Variants in AHI1 observed in about 807,000 individuals in gnomAD.
AHI1 encodes the protein Abelson helper integration site 1, also known as jouberin.
Under a neutral mutation model 149.3 loss-of-function variants are expected in AHI1, and 123 were observed. The ratio of observed to expected loss-of-function variants is 0.82; its 90% CI spans 0.71 to 0.96. The LOEUF is 0.96. AHI1 is among the 40% of genes least tolerant of loss of function. The probability of loss-of-function intolerance (pLI) is 0.00; values close to 1 mark genes in which losing one functional copy is unlikely to be tolerated. For synonymous variants in AHI1, 475 were observed against 459.8 expected (o/e 1.03, Z -0.42); for missense variants, 1,439 against 1,422.7 (o/e 1.01, Z -0.18).
chr6:135,455,702 G>T, intron 10 of AHI1, 32 bp downstream of exon 10: 2 of 1,398,076 alleles, frequency 1.4e-6, no homozygotes, highest in Non-Finnish European at 1.9e-6. Context: ...ATTAACTATC[G>T]TTTAATTTGA....
chr6:135,334,484 G>C (rs1562521430), intron 24 of AHI1, among the ~76,000 whole-genome samples: 1 of 152,172 alleles, frequency 6.6e-6, no homozygotes, highest in Non-Finnish European at 1.5e-5. Context: ...TCATTTATAA[G>C]TCACTCGGTC....
At chr6:135,460,851 T>C (rs964884114) in intron 8 of AHI1, among the ~76,000 whole-genome samples, 4 of 152,198 alleles carry the variant, frequency 2.6e-5, no homozygotes, top group Non-Finnish European at 5.9e-5. Flanking sequence ...TAAATGGTAC[T>C]GGGTCAATCA....
chr6:135,490,027 G>T, intron 5 of AHI1: 1 of 592,812 alleles, frequency 1.7e-6, no homozygotes, highest in South Asian at 2.2e-5. Context: ...AGAGGGCATA[G>T]AGCATTAACT....
Position 135,398,131 on chromosome 6 carries a change from G to A in AHI1, c.2989-3235C>T, listed in dbSNP as rs149430068. ...TTAAAATATCAGTATTAAAGAAAAA[G>A]TTAAACAGAAAACTTGAGCCAAAGT... On this transcript the variant is annotated intron_variant, in intron 22 of 28. Coordinates refer to ENST00000265602, the MANE Select transcript of AHI1 (RefSeq NM_001134831.2). 3.9e-3 allele frequency among the ~76,000 whole-genome samples: 463 copies of A among 120,194 alleles called. 1 individual carries two copies. The highest frequency in any genetic ancestry group is 0.013 in the Middle Eastern group (2 of 156). 78.9% of individuals were successfully genotyped at this position (120,194 alleles called of 152,430 possible).
intron 9 of AHI1, among the ~76,000 whole-genome samples, 196 bp from the exon 10 acceptor site, chr6:135,456,122 TCTA>T (rs1488610765): frequency 6.6e-6 from 1 of 152,248 alleles, no homozygotes; most frequent in Non-Finnish European, 1.5e-5. Flanking sequence ...CTTATATTTG[TCTA>T]CTATCAATTG....
chr6:135,486,912 C>T lies in AHI1; in HGVS notation c.135+3711G>A, dbSNP rs186831717. ...CCTCCCAAGTAGCTAGGACTACAGG[C>T]GCATGCCACCATGCCCAGGTAAGTT... On this transcript the variant is annotated intron_variant, in intron 5 of 28. Coordinates refer to ENST00000265602, the MANE Select transcript of AHI1 (RefSeq NM_001134831.2). 5.4e-3 allele frequency among the ~76,000 whole-genome samples: 825 copies of T among 152,138 alleles called. 6 individuals are homozygous for T. The highest frequency in any genetic ancestry group is 1.0e-2 in the Non-Finnish European group (679 of 67,972).
rs117207464 is a variant in AHI1, at chr6:135,422,314, G to A, written c.2764+4853C>T. Among the ~76,000 whole-genome samples, 330 of 152,158 alleles carry A rather than the reference G, an allele frequency of 2.2e-3. 14 individuals carry two copies. In the East Asian group the frequency reaches 0.054, roughly 25 times the overall value. ...GGCAGATCACTTGAGACCAGGCCTA[G>A]GATTGTCTCAAACATGGCAAAACCC... On this transcript the variant is annotated intron_variant, in intron 20 of 28. Transcript: ENST00000265602.
At chr6:135,370,893 C>T (rs2128455965) in intron 23 of AHI1, among the ~76,000 whole-genome samples, 1 of 152,138 alleles carries the variant, frequency 6.6e-6, no homozygotes, top group Admixed American at 6.5e-5. Context: ...TTTACCAACA[C>T]TTAAAATCTG....
At chr6:135,298,005 T>C (rs529039469) in intron 27 of AHI1, among the ~76,000 whole-genome samples, 11 of 152,200 alleles carry the variant, frequency 7.2e-5, no homozygotes, top group Middle Eastern at 3.4e-3. Context: ...ACAAAGCTGT[T>C]AATGAAATAA....
chr6:135,451,381 T>C (rs1052659148), intron 11 of AHI1, among the ~76,000 whole-genome samples: 1 of 152,166 alleles, frequency 6.6e-6, no homozygotes, highest in Non-Finnish European at 1.5e-5. Flanking sequence ...CACCAAACAC[T>C]TTCTATGTGA....
chr6:135,362,103 GGT>G (rs749692605), intron 23 of AHI1, among the ~76,000 whole-genome samples: 2 of 151,512 alleles, frequency 1.3e-5, no homozygotes, highest in Non-Finnish European at 1.5e-5. Flanking sequence ...AGTATTCCAT[GGT>G]GTGTGTGTGT....
chr6:135,336,819 A>C (rs1022349895), intron 24 of AHI1, among the ~76,000 whole-genome samples: 1 of 152,232 alleles, frequency 6.6e-6, no homozygotes, highest in African/African-American at 2.4e-5. Flanking sequence ...ATTTAGGAAT[A>C]TAGGTATCTA....
chr6:135,448,190 A>G lies in AHI1; in HGVS notation c.1626+100T>C, dbSNP rs981173018. ...ATAACCCCAGAAATCTATTAAAATT[A>G]TTATTAGAGGCCTTATCTTTTTAGA... On this transcript the variant is annotated intron_variant, in intron 12 of 28. Coordinates refer to ENST00000265602, the MANE Select transcript of AHI1 (RefSeq NM_001134831.2). 2.5e-5 allele frequency: 19 copies of G among 753,438 alleles called. No homozygotes were observed. In the African/African-American group the frequency reaches 3.4e-4, roughly 14 times the overall value. The allele number at this position is 753,438 out of a possible 1,614,324, so 46.7% of individuals were successfully genotyped here. A position where few individuals can be genotyped will look rare whatever the true frequency, so the allele number is the denominator to read the frequency against.
At chr6:135,390,661 T>C (rs1312483311) in intron 23 of AHI1, among the ~76,000 whole-genome samples, 2 of 152,060 alleles carry the variant, frequency 1.3e-5, no homozygotes, top group Non-Finnish European at 2.9e-5. Context: ...CCACTAGCTA[T>C]GTGAATTCTA....
At chr6:135,363,890 G>T (rs1330240217) in intron 23 of AHI1, among the ~76,000 whole-genome samples, 6 of 149,140 alleles carry the variant, frequency 4.0e-5, no homozygotes, top group Non-Finnish European at 6.0e-5. Flanking sequence ...GCCGGACGGG[G>T]GGCTGACCCC....
At chr6:135,300,958 G>C in intron 26 of AHI1, 1 of 985,970 alleles carries the variant, frequency 1.0e-6, no homozygotes, top group Non-Finnish European at 1.2e-6. Flanking sequence ...TATTTTCATA[G>C]TAATACACAT....
intron 23 of AHI1, among the ~76,000 whole-genome samples, chr6:135,364,140 T>C (rs1376052837): frequency 6.7e-6 from 1 of 150,228 alleles, no homozygotes; most frequent in African/African-American, 2.5e-5. Flanking sequence ...CCAGACAGGG[T>C]GGCTGCTGGG....
At chr6:135,293,332 G>A (rs1396827370) in intron 27 of AHI1, among the ~76,000 whole-genome samples, 6 of 129,184 alleles carry the variant, frequency 4.6e-5, no homozygotes, top group Non-Finnish European at 9.4e-5. Context: ...AGACAAGAAT[G>A]TCTATTCTGA....
chr6:135,389,568 C>T (rs530485631), intron 23 of AHI1, among the ~76,000 whole-genome samples: 3 of 152,232 alleles, frequency 2.0e-5, no homozygotes, highest in Non-Finnish European at 4.4e-5. Flanking sequence ...AGAAGCTATT[C>T]ATAGTTTTAA....
Sources: allele counts gnomAD v4.1 joint callset (sites outside exome capture counted in the v4.1 genomes callset), GRCh38; gene constraint gnomAD v4.1.1; transcripts MANE v1.5; gene names NCBI Gene and HGNC (gene_info 2026-07-23, HGNC 2026-07-21).